Variants in TMX3 observed in about 807,000 individuals in gnomAD.
The protein encoded by TMX3 is thioredoxin related transmembrane protein 3.
Under a neutral mutation model 64.4 loss-of-function variants are expected in TMX3, and 40 were observed. The ratio of observed to expected loss-of-function variants is 0.62; its 90% CI spans 0.48 to 0.81. TMX3 has a LOEUF of 0.81. TMX3 is among the 30% of genes least tolerant of loss of function. TMX3 has a pLI of 0.00. For synonymous variants in TMX3, 189 were observed against 175.7 expected (o/e 1.08, Z -0.60); for missense variants, 497 against 534.5 (o/e 0.93, Z 0.69).
At chr18:68,696,014 T>C (rs375132853) in intron 8 of TMX3, among the ~76,000 whole-genome samples, 1 of 152,192 alleles carries the variant, frequency 6.6e-6, no homozygotes, top group Non-Finnish European at 1.5e-5. Context: ...TTCTGGCGTA[T>C]TGTATCCACA....
At chr18:68,695,606 G>A (rs999491285) in intron 8 of TMX3, among the ~76,000 whole-genome samples, 1 of 152,008 alleles carries the variant, frequency 6.6e-6, no homozygotes, top group Non-Finnish European at 1.5e-5. Context: ...AAACATCTAA[G>A]AGTCACCCTC....
chr18:68,709,990 C>G (rs753741197), intron 4 of TMX3, 31 bp downstream of exon 4: 1 of 1,551,318 alleles, frequency 6.4e-7, no homozygotes, highest in Non-Finnish European at 8.7e-7. Flanking sequence ...GCTGTGAGAA[C>G]AGTAAAATAA....
intron 10 of TMX3, among the ~76,000 whole-genome samples, chr18:68,685,237 G>C (rs1240714329): frequency 6.6e-6 from 1 of 152,116 alleles, no homozygotes; most frequent in Non-Finnish European, 1.5e-5. Flanking sequence ...AGAGTTATTG[G>C]GAGAGTTAAG....
intron 8 of TMX3, among the ~76,000 whole-genome samples, chr18:68,695,269 C>T (rs1048512488): frequency 1.3e-5 from 2 of 152,292 alleles, no homozygotes; most frequent in Admixed American, 6.5e-5. Context: ...TAAAACACTT[C>T]GTCTTGGCTT....
intron 6 of TMX3, among the ~76,000 whole-genome samples, chr18:68,700,055 C>T (rs17079579): frequency 0.037 from 5,667 of 152,058 alleles, 365 homozygotes; most frequent in African/African-American, 0.13. Flanking sequence ...AAACTCTGAA[C>T]CAGGCAGTCC....
In TMX3 at chr18:68,705,482, T is replaced by C. The variant is rs75752545; in HGVS notation, c.266-3692A>G. Among the ~76,000 whole-genome samples the C allele has an allele frequency of 4.2e-4, 64 of 152,344 alleles. No homozygotes were observed. In the East Asian group the frequency reaches 9.4e-3, roughly 22 times the overall value. On this transcript the variant is annotated intron_variant, in intron 4 of 15. Transcript: ENST00000299608. ...CTACGAACAAGATGTCAGAATGTTA[T>C]TGGCCAAATGTCATTCCAAATTTAC...
intron 4 of TMX3, among the ~76,000 whole-genome samples, chr18:68,705,191 C>T (rs1319019007): frequency 2.0e-5 from 3 of 152,054 alleles, no homozygotes; most frequent in African/African-American, 7.2e-5. Flanking sequence ...TCCTAAACAT[C>T]CCACAATGCA....
Position 68,681,062 on chromosome 18 carries a change from T to C in TMX3, c.954A>G (p.Gln318=), listed in dbSNP as rs1310113446. ...TAATCTGTCTATCTAGCAAGAAATA[T>C]TGCTGGTTTGAAGTATTCAGTACAA... ...TVVVLNTSNQ[Q]YFLLDRQIKN... is the part of the protein sequence containing the mutation. The change falls in exon 14 of 16, where the codon CAA becomes CAG. Residue 318 remains glutamine (Q), a synonymous_variant. Transcript: ENST00000299608. 1 of 1,603,146 alleles carries C rather than the reference T, an allele frequency of 6.2e-7. No individual in the cohort carries two copies. The highest frequency in any genetic ancestry group is 1.3e-5 in the African/African-American group (1 of 74,688).
chr18:68,695,371 C>T (rs1030849819), intron 8 of TMX3, among the ~76,000 whole-genome samples: 4 of 152,178 alleles, frequency 2.6e-5, no homozygotes, highest in African/African-American at 7.2e-5. Flanking sequence ...TAAAAAATTG[C>T]TTCCCATGTC....
chr18:68,690,981 T>C, intron 9 of TMX3: 3 of 274,738 alleles, frequency 1.1e-5, no homozygotes, highest in East Asian at 6.0e-5. Flanking sequence ...GTATCTGAAA[T>C]GTTACTTCAA....
At chr18:68,697,102 G>GTAAA (rs1321713783) in intron 8 of TMX3, 124 bp downstream of exon 8, 2 of 582,162 alleles carry the variant, frequency 3.4e-6, no homozygotes, top group African/African-American at 3.9e-5. Flanking sequence ...ACATATCACA[G>GTAAA]TAAATAAATC....
intron 9 of TMX3, among the ~76,000 whole-genome samples, chr18:68,689,361 A>C (rs1187712873): frequency 6.6e-6 from 1 of 152,060 alleles, no homozygotes; most frequent in African/African-American, 2.4e-5. Flanking sequence ...TTTATATTTA[A>C]ATATGTTTAT....
Position 68,681,107 on chromosome 18 carries a change from T to C in TMX3, c.909A>G (p.Glu303=). The C allele has an allele frequency of 6.4e-7, 1 of 1,553,190 alleles. No homozygotes were observed. Among genetic ancestry groups the C allele is most frequent in the Non-Finnish European group, 8.7e-7 (1 of 1,152,586 alleles). ...NDYINTLLMD[E]LTVPTVVVLN... ...GTACAACTACAGTTGGGACTGTCAA[T>C]TCACTGAAAATATAAAAACAAATCA... The change falls in exon 14 of 16, where the codon GAA becomes GAG. Residue 303 remains glutamate (E), a synonymous_variant. Transcript: ENST00000299608.
intron 10 of TMX3, among the ~76,000 whole-genome samples, chr18:68,686,400 C>G (rs890368559): frequency 2.0e-5 from 3 of 152,178 alleles, no homozygotes. Flanking sequence ...CCCCCTCTTC[C>G]TTTCATGTGA....
chr18:68,706,857 A>G (rs1163114928), intron 4 of TMX3, among the ~76,000 whole-genome samples: 3 of 152,200 alleles, frequency 2.0e-5, no homozygotes, highest in African/African-American at 7.2e-5. Context: ...GTGGTTTTGA[A>G]TACTTAACTT....
intron 8 of TMX3, among the ~76,000 whole-genome samples, chr18:68,691,695 T>C (rs1174628837): frequency 1.3e-5 from 2 of 152,198 alleles, no homozygotes; most frequent in East Asian, 1.9e-4. Flanking sequence ...CCACTTTACC[T>C]AGGGGAGTCT....
At chr18:68,689,226 T>G (rs1372666436) in intron 9 of TMX3, among the ~76,000 whole-genome samples, 1 of 152,178 alleles carries the variant, frequency 6.6e-6, no homozygotes, top group African/African-American at 2.4e-5. Flanking sequence ...ATGGGGCCTT[T>G]ACAATACCTA....
chr18:68,688,620 C>T (rs1012816295), intron 9 of TMX3: 9 of 152,092 alleles, frequency 5.9e-5, no homozygotes, highest in Non-Finnish European at 1.0e-4. Flanking sequence ...AAAACATTTT[C>T]AAGTTATCAA....
In TMX3 at chr18:68,698,022, A is replaced by T. The variant is rs749359819; in HGVS notation, c.402T>A (p.Ile134=). ...EFAHRVSGAL[I]RPLPSQQMFE... is the part of the protein sequence containing the mutation. The stretch of plus-strand genomic sequence containing the variant: ...ACATTTGTTGACTTGGAAGTGGCCG[A>T]ATTAGAGCCCTGTTGCACAACAAAA... Residue 134 remains isoleucine (I), a synonymous_variant, in exon 7 of 16, where the codon ATT becomes ATA. Coordinates refer to ENST00000299608, the MANE Select transcript of TMX3 (RefSeq NM_019022.5). 4.3e-6 allele frequency: 7 copies of T among 1,610,400 alleles called. No individual in the cohort carries two copies. In the East Asian group the frequency reaches 1.3e-4, roughly 31 times the overall value.
Sources: allele counts gnomAD v4.1 joint callset (sites outside exome capture counted in the v4.1 genomes callset), GRCh38; gene constraint gnomAD v4.1.1; transcripts MANE v1.5; gene names NCBI Gene and HGNC (gene_info 2026-07-23, HGNC 2026-07-21).